Variants in PCDH15 observed in about 807,000 individuals in gnomAD.
PCDH15 encodes the protein protocadherin related 15.
PCDH15 carries 129 observed loss-of-function variants against 178.5 expected under a neutral mutation model. That is an observed-to-expected ratio of 0.72 (90% CI 0.63 to 0.84). The LOEUF (loss-of-function observed/expected upper bound fraction) is 0.84. Among genes scored for constraint, PCDH15 ranks in the 40% least tolerant of loss-of-function variants. The probability of loss-of-function intolerance (pLI) is 0.00; values close to 1 mark genes in which losing one functional copy is unlikely to be tolerated. For synonymous variants in PCDH15, 800 were observed against 732.0 expected (o/e 1.09, Z -1.50); for missense variants, 2,230 against 2,099.9 (o/e 1.06, Z -1.21).
At chr10:54,864,378 T>C (rs1322897527) in intron 3 of PCDH15, among the ~76,000 whole-genome samples, 2 of 152,150 alleles carry the variant, frequency 1.3e-5, no homozygotes, top group African/African-American at 2.4e-5. Context: ...AAAAAAGTCA[T>C]ATATAAGATT....
chr10:54,496,198 G>T (rs1422533994), intron 3 of PCDH15, among the ~76,000 whole-genome samples: 5 of 152,020 alleles, frequency 3.3e-5, no homozygotes, highest in Non-Finnish European at 7.4e-5. Flanking sequence ...AGTTTGGTCA[G>T]GGGCTGGCAA....
intron 18 of PCDH15, among the ~76,000 whole-genome samples, chr10:54,041,775 C>A (rs2093552484): frequency 6.6e-6 from 1 of 152,054 alleles, no homozygotes; most frequent in Non-Finnish European, 1.5e-5. Context: ...CAACAGCATC[C>A]AGAACTCTTA....
intron 2 of PCDH15, among the ~76,000 whole-genome samples, chr10:55,563,360 T>C (rs937321704): frequency 6.6e-6 from 1 of 151,546 alleles, no homozygotes; most frequent in Non-Finnish European, 1.5e-5. Flanking sequence ...TGAGGGAAAT[T>C]AGAAAGTTTC....
chr10:54,383,125 T>C (rs1426710545), intron 3 of PCDH15, among the ~76,000 whole-genome samples: 1 of 152,140 alleles, frequency 6.6e-6, no homozygotes, highest in Non-Finnish European at 1.5e-5. Flanking sequence ...AAAGGAGTTA[T>C]ATATTATTTT....
intron 2 of PCDH15, among the ~76,000 whole-genome samples, chr10:55,020,841 A>G (rs139075181): frequency 1.3e-5 from 2 of 152,304 alleles, no homozygotes; most frequent in African/African-American, 4.8e-5. Context: ...ACAGGTGCAT[A>G]GGACAGAACT....
intron 2 of PCDH15, among the ~76,000 whole-genome samples, chr10:55,502,254 C>T (rs1458763467): frequency 6.6e-6 from 1 of 151,600 alleles, no homozygotes; most frequent in Non-Finnish European, 1.5e-5. Context: ...TTATGCCGTG[C>T]CTACTAAATA....
In PCDH15 at chr10:54,090,643, CAA is replaced by C. The variant is rs34617225; in HGVS notation, c.1918-582_1918-581del. 5.0e-3 allele frequency among the ~76,000 whole-genome samples: 595 copies of C among 118,046 alleles called. 1 individual carries two copies. The highest frequency in any genetic ancestry group is 0.011 in the African/African-American group (354 of 32,596). 77.4% of individuals were successfully genotyped at this position (118,046 alleles called of 152,430 possible). On this transcript the variant is annotated intron_variant, in intron 15 of 37. Transcript: ENST00000644397. ...TGGGCAACAGAGCAAGATCTTGTCTCAAAAAAAAAAAAAAAAAAAGTGCTAAA... is the reference window on the plus strand; with the variant it reads ...TGGGCAACAGAGCAAGATCTTGTCTCAAAAAAAAAAAAAAAAAGTGCTAAA...
chr10:54,826,683 C>T (rs921794217), intron 3 of PCDH15, among the ~76,000 whole-genome samples: 1 of 151,868 alleles, frequency 6.6e-6, no homozygotes, highest in Admixed American at 6.6e-5. Flanking sequence ...TTGTACCATA[C>T]AAATAACCTG....
chr10:54,401,423 C>G (rs117309402), intron 3 of PCDH15, among the ~76,000 whole-genome samples: 1,811 of 151,884 alleles, frequency 0.012, 19 homozygotes, highest in Admixed American at 0.016. Flanking sequence ...AACTGTAAAT[C>G]TATAAATGCT....
intron 2 of PCDH15, among the ~76,000 whole-genome samples, chr10:55,110,749 T>C (rs1837482021): frequency 6.6e-6 from 1 of 152,018 alleles, no homozygotes; most frequent in African/African-American, 2.4e-5. Flanking sequence ...TCTGATGGCA[T>C]TCATTTGGAG....
At chr10:54,524,125 A>G (rs370262940) in intron 3 of PCDH15, among the ~76,000 whole-genome samples, 2 of 152,182 alleles carry the variant, frequency 1.3e-5, no homozygotes, top group Non-Finnish European at 2.9e-5. Context: ...AAATTATACA[A>G]TCTAAATGTA....
intron 15 of PCDH15, among the ~76,000 whole-genome samples, chr10:54,115,520 G>T (rs1440976605): frequency 6.6e-6 from 1 of 152,288 alleles, no homozygotes; most frequent in African/African-American, 2.4e-5. Flanking sequence ...GAAAGCCCAA[G>T]GTCAAGCAGC....
At chr10:55,603,439 T>C (rs1479170115) in intron 2 of PCDH15, among the ~76,000 whole-genome samples, 1 of 151,526 alleles carries the variant, frequency 6.6e-6, no homozygotes, top group Non-Finnish European at 1.5e-5. Context: ...AGACACATAA[T>C]TGTCAGATTC....
At chr10:55,446,467 G>A (rs1056732559) in intron 2 of PCDH15, among the ~76,000 whole-genome samples, 1 of 152,000 alleles carries the variant, frequency 6.6e-6, no homozygotes, top group African/African-American at 2.4e-5. Flanking sequence ...AGAAGAGAAA[G>A]TCAAAGTGAA....
rs5785132 is a variant in PCDH15, at chr10:55,442,470, T to TATTA, written c.-156+185154_-156+185155insTAAT. On this transcript the variant is annotated intron_variant, in intron 2 of 5. Coordinates refer to the PCDH15 transcript ENST00000613346. ...CTTAATTTGATTATATATATATATA[T>TATTA]TATATATATATTATATATATATATA... Among the ~76,000 whole-genome samples, 253 of 124,572 alleles carry TATTA rather than the reference T, an allele frequency of 2.0e-3. 1 individual carries two copies. Among genetic ancestry groups the TATTA allele is most frequent in the African/African-American group, 3.4e-3 (106 of 31,210 alleles). 81.7% of individuals were successfully genotyped at this position (124,572 alleles called of 152,430 possible).
chr10:55,483,929 TAA>T (rs1840241081), intron 2 of PCDH15, among the ~76,000 whole-genome samples: 1 of 151,418 alleles, frequency 6.6e-6, no homozygotes, highest in Admixed American at 6.6e-5. Flanking sequence ...ATTGACTGGA[TAA>T]AGATGTGGTA....
intron 8 of PCDH15, among the ~76,000 whole-genome samples, chr10:54,274,453 A>T (rs1444439072): frequency 6.6e-6 from 1 of 152,026 alleles, no homozygotes; most frequent in African/African-American, 2.4e-5. Context: ...ACTTTATTAG[A>T]ATATGAGTTC....
At chr10:55,182,607 T>C (rs1839681416) in intron 1 of PCDH15, among the ~76,000 whole-genome samples, 1 of 151,994 alleles carries the variant, frequency 6.6e-6, no homozygotes, top group African/African-American at 2.4e-5. Context: ...TATATGCAAA[T>C]TACCTAGACC....
intron 8 of PCDH15, among the ~76,000 whole-genome samples, chr10:54,244,996 A>T (rs11004166): frequency 0.049 from 7,494 of 152,250 alleles, 463 homozygotes; most frequent in African/African-American, 0.15. Flanking sequence ...TCAGGAGACG[A>T]CTGTTTTTGT....
Sources: gnomAD v4.1 joint callset for allele counts (sites outside exome capture counted in the v4.1 genomes callset) on GRCh38, gnomAD v4.1.1 for gene constraint, MANE v1.5 for transcripts, NCBI Gene and HGNC (gene_info 2026-07-23, HGNC 2026-07-21) for gene names.